DNAJC13: variants seen among roughly 807,000 people sequenced by gnomAD.
DNAJC13 encodes DnaJ heat shock protein family (Hsp40) member C13.
Under a neutral mutation model 290.5 loss-of-function variants are expected in DNAJC13, and 75 were observed. The ratio of observed to expected loss-of-function variants is 0.26; its 90% confidence interval spans 0.21 to 0.31. The LOEUF (loss-of-function observed/expected upper bound fraction) is 0.31. Ranked by LOEUF, DNAJC13 falls within the 10% of genes least tolerant of loss-of-function variation. The pLI is 1.00. For missense variants in DNAJC13, 2,260 were observed against 2,674.5 expected, an observed-to-expected ratio of 0.85 and a Z score of 3.42; for synonymous variants, 862 against 892.0, an observed-to-expected ratio of 0.97 and a Z score of 0.60.
intron 2 of DNAJC13, among the ~76,000 whole-genome samples, chr3:132,444,046 T>C (rs988892231): frequency 6.6e-6 from 1 of 152,234 alleles, no homozygotes; most frequent in Admixed American, 6.5e-5. Flanking sequence ...CCCAGGTTTT[T>C]GGCCTCTTAA....
chr3:132,517,992 C>G (rs1468906959), intron 48 of DNAJC13, among the ~76,000 whole-genome samples: 1 of 152,106 alleles, frequency 6.6e-6, no homozygotes, highest in African/African-American at 2.4e-5. Context: ...ATTGAATTTC[C>G]TTAAAGCTAG....
At chr3:132,443,263 C>A (rs1933130080) in intron 2 of DNAJC13, among the ~76,000 whole-genome samples, 1 of 152,144 alleles carries the variant, frequency 6.6e-6, no homozygotes, top group Non-Finnish European at 1.5e-5. Flanking sequence ...AGCAATTCTC[C>A]TGCCTCAGCC....
intron 6 of DNAJC13, 55 bp from the exon 7 acceptor site, chr3:132,453,243 C>T: frequency 6.6e-7 from 1 of 1,524,504 alleles, no homozygotes; most frequent in Non-Finnish European, 9.0e-7. Flanking sequence ...TGATTAGCTA[C>T]AGACACATTT....
chr3:132,527,007 A>T (rs988260694), intron 53 of DNAJC13, among the ~76,000 whole-genome samples: 2 of 152,246 alleles, frequency 1.3e-5, no homozygotes, highest in Non-Finnish European at 2.9e-5. Flanking sequence ...GTTAGGAAGA[A>T]TAAGGCTTTT....
Position 132,439,250 on chromosome 3 carries a change from T to C in DNAJC13, c.68+4632T>C, listed in dbSNP as rs181417894. ...ACAGAAGCTCACTACATTCATAGTT[T>C]CTGTAATAACTGGATACAGGAAATT... On this transcript the variant is annotated intron_variant, in intron 2 of 55. Coordinates refer to ENST00000260818, the MANE Select transcript of DNAJC13 (RefSeq NM_015268.4). 2.1e-3 allele frequency among the ~76,000 whole-genome samples: 315 copies of C among 152,330 alleles called. 2 individuals are homozygous for C. Among genetic ancestry groups the C allele is most frequent in the Non-Finnish European group, 3.4e-3 (232 of 68,038 alleles).
At chr3:132,476,424 C>G (rs1370624189) in intron 22 of DNAJC13, among the ~76,000 whole-genome samples, 1 of 152,082 alleles carries the variant, frequency 6.6e-6, no homozygotes. Context: ...TTATTTAGAC[C>G]TTCTTGCTTT....
Position 132,453,366 on chromosome 3 carries a change from A to C in DNAJC13, c.606A>C (p.Ile202=), listed in dbSNP as rs779057305. 14 of 1,613,916 alleles carry C rather than the reference A, an allele frequency of 8.7e-6. No individual in the cohort carries two copies. The East Asian group carries it at 3.1e-4, about 36-fold the overall frequency. ...CAATAGACCATGCTGGTAACTACAT[A>C]GGTATTTCATTGCGGATCAGGAAAG... ...KSAIDHAGNY[I]GISLRIRKEP... The change falls in exon 7 of 56, where the codon ATA becomes ATC. Residue 202 remains isoleucine (I), a synonymous_variant. Transcript: ENST00000260818.
At position 132,466,332 on chromosome 3, in the gene DNAJC13, G is replaced by C. The variant is rs781320596; in HGVS notation, c.2002G>C (p.Asp668His). 6.3e-7 allele frequency: 1 copy of C among 1,599,764 alleles called. No homozygotes were observed. The highest frequency in any genetic ancestry group is 8.5e-7 in the Non-Finnish European group (1 of 1,176,176). The change falls in exon 19 of 56, where the codon GAT (aspartate) becomes CAT (histidine). Residue 668 changes from aspartate (D) to histidine (H), a missense_variant. This residue lies in a region of DNAJC13 where 762 missense variants were observed against 964.1 expected (regional missense o/e 0.79). Transcript: ENST00000260818. ...PGLLAYLESSDLVPEKDADRM... is the reference protein window; with the variant it reads ...PGLLAYLESSHLVPEKDADRM... ...CTTGCTGGCATACTTGGAAAGCTCA[G>C]ATCTCGTACCTGAGAAGGATGCTGA...
At chr3:132,509,120 T>C (rs1313140890) in intron 43 of DNAJC13, among the ~76,000 whole-genome samples, 1 of 152,250 alleles carries the variant, frequency 6.6e-6, no homozygotes, top group Non-Finnish European at 1.5e-5. Context: ...ATTCCTCTAA[T>C]GGATGTGGGC....
At chr3:132,427,075 ATGTGTGTG>A (rs10576541) in intron 1 of DNAJC13, among the ~76,000 whole-genome samples, 7,473 of 140,744 alleles carry the variant, frequency 0.053, 238 homozygotes, top group African/African-American at 0.074. Flanking sequence ...ATATATACAT[ATGTGTGTG>A]TGTGTGTGTG....
chr3:132,528,766 G>T (rs962278697), intron 54 of DNAJC13, among the ~76,000 whole-genome samples: 2 of 149,180 alleles, frequency 1.3e-5, no homozygotes, highest in Non-Finnish European at 1.5e-5. Flanking sequence ...AAAAGTGTTG[G>T]TTTTTTTTTT....
chr3:132,450,848 GT>G lies in DNAJC13; in HGVS notation c.537+2del. On this transcript the variant is annotated splice_donor_variant, in intron 6 of 55. Transcript: ENST00000260818. LOFTEE classifies it high-confidence loss of function. ...ACTTTATGGAGGATTTAGTAGATTGGTAAGTACTATTTTAAAAAAAAAAAAC... is the reference window on the plus strand; with the variant it reads ...ACTTTATGGAGGATTTAGTAGATTGGAAGTACTATTTTAAAAAAAAAAAAC... The G allele has an allele frequency of 6.7e-7, 1 of 1,492,982 alleles. No individual in the cohort carries two copies. Among genetic ancestry groups the G allele is most frequent in the Non-Finnish European group, 9.1e-7 (1 of 1,093,996 alleles). The allele number at this position is 1,492,982 out of a possible 1,614,324, so 92.5% of individuals were successfully genotyped here. A position where few individuals can be genotyped will look rare whatever the true frequency, so the allele number is the denominator to read the frequency against.
At chr3:132,427,087 G>A (rs1939111238) in intron 1 of DNAJC13, among the ~76,000 whole-genome samples, 1 of 147,292 alleles carries the variant, frequency 6.8e-6, no homozygotes, top group Non-Finnish European at 1.5e-5. Flanking sequence ...GTGTGTGTGT[G>A]TGTGTGTGTG....
intron 43 of DNAJC13, among the ~76,000 whole-genome samples, chr3:132,508,565 G>C (rs547805454): frequency 6.6e-6 from 1 of 152,112 alleles, no homozygotes; most frequent in Non-Finnish European, 1.5e-5. Flanking sequence ...CTCACTTATA[G>C]GTAGAGGCTA....
intron 9 of DNAJC13, among the ~76,000 whole-genome samples, chr3:132,454,849 G>A (rs940325349): frequency 6.6e-6 from 1 of 152,028 alleles, no homozygotes; most frequent in Non-Finnish European, 1.5e-5. Flanking sequence ...CACTCTGTTT[G>A]TGAGATGCTT....
intron 53 of DNAJC13, among the ~76,000 whole-genome samples, chr3:132,527,144 T>C (rs1312996634): frequency 1.3e-5 from 2 of 152,254 alleles, no homozygotes; most frequent in African/African-American, 4.8e-5. Context: ...GCTAATTAGC[T>C]TGATTTATTC....
At chr3:132,488,047 T>G (rs1934938138) in intron 29 of DNAJC13, among the ~76,000 whole-genome samples, 1 of 152,216 alleles carries the variant, frequency 6.6e-6, no homozygotes, top group African/African-American at 2.4e-5. Flanking sequence ...ATGACAAAAC[T>G]AGCTTCAGGC....
intron 48 of DNAJC13, among the ~76,000 whole-genome samples, chr3:132,522,210 T>C (rs764006163): frequency 3.9e-5 from 6 of 152,272 alleles, no homozygotes; most frequent in Non-Finnish European, 7.4e-5. Flanking sequence ...AACGTGACGA[T>C]CTGAAGGAAA....
chr3:132,473,520 C>T (rs890749030), intron 21 of DNAJC13, among the ~76,000 whole-genome samples: 1 of 152,060 alleles, frequency 6.6e-6, no homozygotes, highest in Admixed American at 6.5e-5. Flanking sequence ...TGCATACTTC[C>T]TAGATGGAAA....
Sources: gnomAD v4.1 joint callset for allele counts (sites outside exome capture counted in the v4.1 genomes callset) on GRCh38, gnomAD v4.1.1 for gene constraint, gnomAD v4.1.1 regional missense constraint, MANE v1.5 for transcripts, NCBI Gene and HGNC (gene_info 2026-07-23, HGNC 2026-07-21) for gene names.